ASNS: variants seen among roughly 807,000 people sequenced by gnomAD.
ASNS encodes the protein asparagine synthetase [glutamine-hydrolyzing].
Under a neutral mutation model 62.6 loss-of-function variants are expected in ASNS, and 37 were observed. The observed-to-expected ratio is 0.59, with a 90% confidence interval of 0.45 to 0.78. ASNS has a LOEUF of 0.78. Among genes scored for constraint, ASNS ranks in the 30% least tolerant of loss-of-function variants. ASNS has a pLI of 0.00. For missense variants in ASNS, 520 were observed against 682.4 expected, an observed-to-expected ratio of 0.76 and a Z score of 2.65; for synonymous variants, 207 against 237.9, an observed-to-expected ratio of 0.87 and a Z score of 1.19.
chr7:97,922,001 A>G, the ASNS span, among the ~76,000 whole-genome samples: 2 of 152,184 alleles, frequency 1.3e-5, no homozygotes, highest in Non-Finnish European at 2.9e-5. Context: ...GGAGGATATT[A>G]TGTTAAGTGA....
At chr7:97,902,807 C>A in the ASNS span, among the ~76,000 whole-genome samples, 1 of 152,202 alleles carries the variant, frequency 6.6e-6, no homozygotes, top group South Asian at 2.1e-4. Flanking sequence ...ACAGACCCTT[C>A]CAGGATATTC....
intron 10 of ASNS, 126 bp from the exon 11 acceptor site, chr7:97,853,512 A>G: frequency 1.4e-6 from 1 of 734,730 alleles, no homozygotes; most frequent in Non-Finnish European, 2.2e-6. Flanking sequence ...ACAGTCACAT[A>G]CAAGCCTCCT....
chr7:97,864,015 T>C lies in ASNS; in HGVS notation c.487+244A>G, dbSNP rs368748979. 5 of 413,554 alleles carry C rather than the reference T, an allele frequency of 1.2e-5. No individual in the cohort carries two copies. The South Asian group carries it at 1.5e-4, about 12-fold the overall frequency. The allele number at this position is 413,554 out of a possible 1,614,324, so 25.6% of individuals were successfully genotyped here. A position where few individuals can be genotyped will look rare whatever the true frequency, so the allele number is the denominator to read the frequency against. Reference sequence around the variant, plus strand: ...AAACTGCACTTAAGATCAAGCTAGATGTAGAGCATATTAGCACAGCAAAAA... The same window carrying C: ...AAACTGCACTTAAGATCAAGCTAGACGTAGAGCATATTAGCACAGCAAAAA... On this transcript the variant is annotated intron_variant, in intron 4 of 12. Coordinates refer to ENST00000394308, the MANE Select transcript of ASNS (RefSeq NM_001673.5).
the ASNS span, among the ~76,000 whole-genome samples, chr7:97,890,317 A>G: frequency 6.6e-6 from 1 of 152,190 alleles, no homozygotes; most frequent in East Asian, 1.9e-4. Flanking sequence ...AATGCTTCCA[A>G]ATGCAGGAAG....
the ASNS span, among the ~76,000 whole-genome samples, chr7:97,926,009 G>A: frequency 5.3e-4 from 81 of 151,912 alleles, no homozygotes; most frequent in African/African-American, 1.9e-3. Flanking sequence ...AGAAGCCTGT[G>A]AAACTTCTGA....
chr7:97,882,324 G>A, the ASNS span, among the ~76,000 whole-genome samples: 3 of 152,094 alleles, frequency 2.0e-5, no homozygotes, highest in South Asian at 2.1e-4. Context: ...CGAGGCTGAC[G>A]GATCACGAGG....
the ASNS span, among the ~76,000 whole-genome samples, chr7:97,918,112 G>A: frequency 1.3e-5 from 2 of 152,132 alleles, no homozygotes; most frequent in Non-Finnish European, 2.9e-5. Flanking sequence ...CTGTGGGGTG[G>A]GGGCAGACAA....
the ASNS span, chr7:97,913,059 T>TG: frequency 6.6e-6 from 1 of 151,774 alleles, no homozygotes; most frequent in Non-Finnish European, 1.5e-5. Context: ...GAGAAGCAGA[T>TG]GTGGTTTCCA....
intron 7 of ASNS, 70 bp from the exon 8 acceptor site, chr7:97,856,886 G>A: frequency 5.5e-6 from 8 of 1,442,234 alleles, no homozygotes; most frequent in South Asian, 1.3e-5. Flanking sequence ...AAACATGATG[G>A]GAGTTCACAA....
rs760800612 is a variant in ASNS at position 97,853,214 on chromosome 7, T to C, written c.1322A>G (p.Asn441Ser). 20 of 1,607,872 alleles carry C rather than the reference T, an allele frequency of 1.2e-5. 1 individual carries two copies. The Middle Eastern group carries it at 1.2e-3, about 93-fold the overall frequency. The change falls in exon 12 of 13, where the codon AAT (asparagine) becomes AGT (serine). Residue 441 changes from asparagine (N) to serine (S), a missense_variant and splice_region_variant. Transcript: ENST00000394308. ...SLPPEMRIPK[N>S]GIEKHLLRET... ...TCTCAGGAGATGTTTTTCTATCCCA[T>C]TCTGACGTGACAAAAAAAGGAGCAT...
rs144271318 is a variant in ASNS at position 97,855,013 on chromosome 7, T to C, written c.1138-333A>G. 223 of 363,316 alleles carry C rather than the reference T, an allele frequency of 6.1e-4. 2 individuals carry two copies. The East Asian group carries it at 0.012, about 19-fold the overall frequency. 22.5% of individuals were successfully genotyped at this position (363,316 alleles called of 1,614,324 possible). A position where few individuals can be genotyped will look rare whatever the true frequency, so the allele number is the denominator to read the frequency against. ...TTTTTTAAGAGACGGGGTCTTACTC[T>C]GTCAACCAGGCAGGAGTGCAGTGGT... On this transcript the variant is annotated intron_variant, in intron 9 of 12. Coordinates refer to ENST00000394308, the MANE Select transcript of ASNS (RefSeq NM_001673.5).
At chr7:97,878,924 A>G in the ASNS span, among the ~76,000 whole-genome samples, 1 of 152,248 alleles carries the variant, frequency 6.6e-6, no homozygotes, top group Non-Finnish European at 1.5e-5. Flanking sequence ...CCAAAACAGC[A>G]TAGTACTGGT....
the ASNS span, chr7:97,885,729 T>A: frequency 4.5e-6 from 1 of 220,360 alleles, no homozygotes; most frequent in Non-Finnish European, 9.1e-6. Flanking sequence ...TGGAATAATA[T>A]CACAGATTTA....
At chr7:97,881,844 A>T in the ASNS span, among the ~76,000 whole-genome samples, 1 of 152,020 alleles carries the variant, frequency 6.6e-6, no homozygotes, top group Non-Finnish European at 1.5e-5. Flanking sequence ...GGGATGAGGG[A>T]TGATAACAGC....
chr7:97,899,131 G>T, the ASNS span: 2 of 358,130 alleles, frequency 5.6e-6, no homozygotes, highest in Non-Finnish European at 1.0e-5. Context: ...GGTGCTGCTC[G>T]GAGTACCAAA....
the ASNS span, among the ~76,000 whole-genome samples, chr7:97,889,089 A>G: frequency 6.6e-6 from 1 of 152,302 alleles, no homozygotes; most frequent in South Asian, 2.1e-4. Flanking sequence ...CAGACAGGCT[A>G]TCATCAGTGC....
At chr7:97,918,639 A>T in the ASNS span, among the ~76,000 whole-genome samples, 2 of 152,238 alleles carry the variant, frequency 1.3e-5, no homozygotes, top group East Asian at 3.8e-4. Context: ...ATGCAAATAC[A>T]TGTGCTTGTG....
At chr7:97,874,628 C>G (rs1416913333), upstream of ASNS, among the ~76,000 whole-genome samples, 1 of 152,244 alleles carries the variant, frequency 6.6e-6, no homozygotes, top group African/African-American at 2.4e-5. Flanking sequence ...AATCCACGTT[C>G]TTCTGTCATG....
chr7:97,915,324 C>T, the ASNS span, among the ~76,000 whole-genome samples: 11 of 152,182 alleles, frequency 7.2e-5, no homozygotes, highest in Admixed American at 5.2e-4. Flanking sequence ...CCAGCCAGAT[C>T]GCTTCAAACC....
Sources: gnomAD v4.1 joint callset for allele counts (sites outside exome capture counted in the v4.1 genomes callset) on GRCh38, gnomAD v4.1.1 for gene constraint, MANE v1.5 for transcripts, NCBI Gene and HGNC (gene_info 2026-07-23, HGNC 2026-07-21) for gene names.